ZNF544: variants seen among roughly 807,000 people sequenced by gnomAD.
ZNF544 encodes the protein zinc finger protein AF020591.
Under a neutral mutation model 13.5 loss-of-function variants are expected in ZNF544, and 10 were observed. That is an observed-to-expected ratio of 0.74 (90% CI 0.46 to 1.25). ZNF544 has a LOEUF of 1.25. Ranked by LOEUF, ZNF544 falls within the 50% of genes most tolerant of loss-of-function variation. ZNF544 has a pLI of 0.00. For missense variants in ZNF544, 896 were observed against 845.6 expected (o/e 1.06, Z -0.74); for synonymous variants, 323 against 300.5 (o/e 1.07, Z -0.77).
chr19:58,233,054 T>C (rs944524296), intron 3 of ZNF544, among the ~76,000 whole-genome samples: 3 of 151,524 alleles, frequency 2.0e-5, no homozygotes, highest in Non-Finnish European at 4.4e-5. Flanking sequence ...CTCACAATCA[T>C]GGCGGAAGGC....
rs1206401591 is a variant in ZNF544, at chr19:58,246,708, C to A, written c.161-3C>A. On this transcript the variant is annotated splice_region_variant and splice_polypyrimidine_tract_variant and intron_variant, in intron 5 of 6. Coordinates refer to ENST00000687789, the MANE Select transcript of ZNF544 (RefSeq NM_014480.4). ...GGCAAGTCCTTTTTCCGTCTTTGACCAGGGCTTTTCCTTTCCAAATCTGAT... is the reference window on the plus strand; with the variant it reads ...GGCAAGTCCTTTTTCCGTCTTTGACAAGGGCTTTTCCTTTCCAAATCTGAT... 1.2e-6 allele frequency: 2 copies of A among 1,613,892 alleles called. No homozygotes were observed. The highest frequency in any genetic ancestry group is 1.7e-5 in the Admixed American group (1 of 59,974).
chr19:58,248,259 A>G (rs901147914), intron 6 of ZNF544, among the ~76,000 whole-genome samples: 1 of 140,862 alleles, frequency 7.1e-6, no homozygotes, highest in Admixed American at 7.3e-5. Flanking sequence ...GATAGGGTTC[A>G]TGCTTTTTTT....
chr19:58,239,715 A>G (rs1321161170), intron 3 of ZNF544, among the ~76,000 whole-genome samples: 3 of 152,174 alleles, frequency 2.0e-5, no homozygotes, highest in Non-Finnish European at 4.4e-5. Context: ...CCTGGCCAAC[A>G]TGGTAAAACC....
rs1484989176 is a variant in ZNF544 at position 58,270,759 on chromosome 19, TAG to T, written c.245-5561_245-5560del. Among the ~76,000 whole-genome samples the T allele has an allele frequency of 2.0e-5, 3 of 152,082 alleles. No homozygotes were observed. In the South Asian group the frequency reaches 6.2e-4, roughly 32 times the overall value. On this transcript the variant is annotated intron_variant, in intron 5 of 6. Coordinates refer to the ZNF544 transcript ENST00000595981. ...AGATGGGGAAAGTAGTAGTGGAGAG[TAG>T]AGGTTTCCCTTACCATCCTTTTAGG...
downstream of ZNF544, among the ~76,000 whole-genome samples, chr19:58,265,328 C>T (rs1001678385): frequency 6.7e-6 from 1 of 149,150 alleles, no homozygotes. Context: ...GACAGTCTCA[C>T]TCTGTTGCCC....
rs570728250 is a variant in ZNF544 at position 58,238,489 on chromosome 19, G to C, written c.-59-5476G>C. ...GAGCGGTGCATAGTGCCTGGAAGACGGGGACACAGGGTTTTGGCTGAATGT... is the reference window on the plus strand; with the variant it reads ...GAGCGGTGCATAGTGCCTGGAAGACCGGGACACAGGGTTTTGGCTGAATGT... On this transcript the variant is annotated intron_variant, in intron 3 of 6. Coordinates refer to ENST00000687789, the MANE Select transcript of ZNF544 (RefSeq NM_014480.4). Among the ~76,000 whole-genome samples the C allele has an allele frequency of 7.2e-5, 11 of 152,296 alleles. No individual in the cohort carries two copies. The South Asian group carries it at 2.3e-3, about 32-fold the overall frequency.
chr19:58,263,162 A>C lies in ZNF544; in HGVS notation c.*408A>C. On this transcript the variant is annotated 3_prime_UTR_variant, in exon 7 of 7. Coordinates refer to ENST00000687789, the MANE Select transcript of ZNF544 (RefSeq NM_014480.4). ...AGAAAGCTCATGGGCAAGAAACTCT[A>C]TGAATAACCAAGATGGAGCCGGGTG... 1.0e-6 allele frequency: 1 copy of C among 999,580 alleles called. No individual in the cohort carries two copies. The highest frequency in any genetic ancestry group is 1.2e-6 in the Non-Finnish European group (1 of 837,790). 61.9% of individuals were successfully genotyped at this position (999,580 alleles called of 1,614,324 possible). A position where few individuals can be genotyped will look rare whatever the true frequency, so the allele number is the denominator to read the frequency against.
At chr19:58,229,603 T>C (rs1402444177) in intron 2 of ZNF544, 33 bp downstream of exon 2, 1 of 152,266 alleles carries the variant, frequency 6.6e-6, no homozygotes. Flanking sequence ...AGAGAACATG[T>C]GTATTTTCCA....
Position 58,250,849 on chromosome 19 carries a change from C to G in ZNF544, c.244+4055C>G, listed in dbSNP as rs932121522. Among the ~76,000 whole-genome samples the G allele has an allele frequency of 1.6e-4, 24 of 152,116 alleles. 1 individual carries two copies. The highest frequency in any genetic ancestry group is 2.9e-5 in the Non-Finnish European group (2 of 68,030). ...TGTATTTGAATGATGCTGGAGATAA[C>G]CAAAGCCAACAGTCTTTGCCAGAGC... On this transcript the variant is annotated intron_variant, in intron 6 of 6. Coordinates refer to ENST00000687789, the MANE Select transcript of ZNF544 (RefSeq NM_014480.4).
intron 6 of ZNF544, among the ~76,000 whole-genome samples, chr19:58,251,814 T>A (rs922227392): frequency 1.3e-5 from 2 of 152,158 alleles, no homozygotes; most frequent in African/African-American, 4.8e-5. Flanking sequence ...ACATAGGAAC[T>A]CCTATTTTAG....
intron 3 of ZNF544, among the ~76,000 whole-genome samples, chr19:58,234,234 C>T (rs1028840123): frequency 6.6e-6 from 1 of 152,214 alleles, no homozygotes; most frequent in Non-Finnish European, 1.5e-5. Flanking sequence ...ATGCTCAGGT[C>T]ACGGGATGGG....
rs1283868140 is a variant in ZNF544 at position 58,262,678 on chromosome 19, G to A, written c.2072G>A (p.Ser691Asn). The change falls in exon 7 of 7, where the codon AGT (serine) becomes AAT (asparagine). Residue 691 changes from serine (S) to asparagine (N), a missense_variant. Ser to Asn is a conservative substitution (Grantham distance 46). Transcript: ENST00000687789. ...IHSGEKPYEC[S>N]DCGKSFRQQS... ...TCTGGAGAGAAACCCTATGAATGTA[G>A]TGACTGTGGGAAATCCTTCCGGCAG... 6.2e-7 allele frequency: 1 copy of A among 1,612,864 alleles called. No individual in the cohort carries two copies. The highest frequency in any genetic ancestry group is 8.5e-7 in the Non-Finnish European group (1 of 1,179,122).
At chr19:58,235,470 A>G (rs1192191633) in intron 3 of ZNF544, among the ~76,000 whole-genome samples, 1 of 152,146 alleles carries the variant, frequency 6.6e-6, no homozygotes, top group Non-Finnish European at 1.5e-5. Flanking sequence ...ATGTTGGATT[A>G]TTTATTATTG....
At chr19:58,264,091 TC>T (rs2049516140), downstream of ZNF544, 1 of 77,206 alleles carries the variant, frequency 1.3e-5, no homozygotes, top group Non-Finnish European at 2.6e-5. Flanking sequence ...CAAGACTGTC[TC>T]AAAAAAAAAA....
At chr19:58,246,677 C>G (rs746131881) in intron 5 of ZNF544, 34 bp from the exon 6 acceptor site, 1 of 1,609,234 alleles carries the variant, frequency 6.2e-7, no homozygotes, top group Non-Finnish European at 8.5e-7. Context: ...GGTGTCCAAG[C>G]AGAGGGGCAA....
downstream of ZNF544, among the ~76,000 whole-genome samples, chr19:58,265,114 G>A (rs62114175): frequency 0.54 from 81,132 of 151,330 alleles, 21,941 homozygotes; most frequent in Middle Eastern, 0.65. Flanking sequence ...CTGGCAGCAT[G>A]TTAATATGGA....
rs773875050 is a variant in ZNF544 at position 58,260,848 on chromosome 19, C to G, written c.245-3C>G. ...TAACTTAGGCATTTTGGATTTCTTT[C>G]AGACTGGAAAGCTACCCTTGAGGAG... On this transcript the variant is annotated splice_polypyrimidine_tract_variant and splice_region_variant and intron_variant, in intron 6 of 6. Transcript: ENST00000687789. The G allele has an allele frequency of 1.3e-6, 2 of 1,551,812 alleles. No homozygotes were observed. Among genetic ancestry groups the G allele is most frequent in the Non-Finnish European group, 1.7e-6 (2 of 1,149,012 alleles).
At chr19:58,256,131 A>G (rs770932628) in intron 6 of ZNF544, among the ~76,000 whole-genome samples, 3 of 152,190 alleles carry the variant, frequency 2.0e-5, no homozygotes, top group Non-Finnish European at 4.4e-5. Flanking sequence ...AGGGAAAAAG[A>G]GAGAGAGAAA....
chr19:58,246,623 G>T, intron 5 of ZNF544, 88 bp from the exon 6 acceptor site: 1 of 1,524,742 alleles, frequency 6.6e-7, no homozygotes, highest in South Asian at 1.2e-5. Flanking sequence ...AGTTTCCTCG[G>T]GACAGCACTA....
Sources: allele counts gnomAD v4.1 joint callset (sites outside exome capture counted in the v4.1 genomes callset), GRCh38; gene constraint gnomAD v4.1.1; transcripts MANE v1.5; gene names NCBI Gene and HGNC (gene_info 2026-07-23, HGNC 2026-07-21).